MCUB: variants seen among roughly 807,000 people sequenced by gnomAD.
The protein encoded by MCUB is mitochondrial calcium uniporter dominant negative subunit beta.
MCUB carries 46 observed loss-of-function variants against 41.4 expected under a neutral mutation model. The observed-to-expected ratio is 1.11, with a 90% CI of 0.88 to 1.42. The LOEUF (loss-of-function observed/expected upper bound fraction) is 1.42, where lower values mean the gene tolerates loss of function less well. MCUB is among the 40% of genes most tolerant of loss of function. The pLI, the probability that MCUB is intolerant of heterozygous loss-of-function variation, is 0.00. For synonymous variants in MCUB, 148 were observed against 148.2 expected, an observed-to-expected ratio of 1.00 and a Z score of 0.01; for missense variants, 403 against 404.9, an observed-to-expected ratio of 1.00 and a Z score of 0.04.
intron 1 of MCUB, among the ~76,000 whole-genome samples, chr4:109,568,111 A>C (rs1318081791): frequency 1.3e-5 from 2 of 152,172 alleles, no homozygotes; most frequent in African/African-American, 4.8e-5. Context: ...TTGCAAAGAG[A>C]CATCATTGGC....
At chr4:109,564,233 A>G (rs886691685) in intron 1 of MCUB, among the ~76,000 whole-genome samples, 3 of 151,532 alleles carry the variant, frequency 2.0e-5, no homozygotes, top group Non-Finnish European at 4.4e-5. Context: ...CCCGGGTTCA[A>G]ACGATTCCCC....
In MCUB at chr4:109,628,983, T is replaced by C. The variant is rs1394172094; in HGVS notation, c.100-30028T>C. On this transcript the variant is annotated intron_variant, in intron 1 of 7. Coordinates refer to ENST00000394650, the MANE Select transcript of MCUB (RefSeq NM_017918.5). ...GTGTAGAAGCCACCGAAGAGTGAAA[T>C]GTTTGGAGCAGCAGTTTAGGACTTG... is the stretch of plus-strand genomic sequence containing the variant. Among the ~76,000 whole-genome samples the C allele has an allele frequency of 2.0e-5, 3 of 152,060 alleles. No individual in the cohort carries two copies. The East Asian group carries it at 5.8e-4, about 29-fold the overall frequency.
chr4:109,652,082 T>C (rs897412350), intron 1 of MCUB, among the ~76,000 whole-genome samples: 2 of 152,236 alleles, frequency 1.3e-5, no homozygotes, highest in African/African-American at 2.4e-5. Flanking sequence ...GTCTTCTCCC[T>C]GTGTCCTCAC....
chr4:109,638,569 G>A (rs938619324), intron 1 of MCUB, among the ~76,000 whole-genome samples: 13 of 152,280 alleles, frequency 8.5e-5, no homozygotes, highest in African/African-American at 2.9e-4. Flanking sequence ...GTTGCTGAAG[G>A]TTGGAGTGGC....
intron 3 of MCUB, among the ~76,000 whole-genome samples, chr4:109,661,147 G>A (rs576243665): frequency 1.4e-4 from 22 of 152,244 alleles, no homozygotes; most frequent in Non-Finnish European, 2.5e-4. Flanking sequence ...TAAAAAACCA[G>A]AAGTATGTCA....
chr4:109,563,370 A>G (rs776028810), intron 1 of MCUB, among the ~76,000 whole-genome samples: 1 of 152,166 alleles, frequency 6.6e-6, no homozygotes, highest in Non-Finnish European at 1.5e-5. Context: ...AAATTCCACC[A>G]CAAGATGTCA....
Position 109,687,755 on chromosome 4 carries a change from G to T in MCUB, c.*163G>T. The T allele has an allele frequency of 3.4e-6, 2 of 587,786 alleles. No individual in the cohort carries two copies. The highest frequency in any genetic ancestry group is 6.0e-6 in the Non-Finnish European group (2 of 335,600). 36.4% of individuals were successfully genotyped at this position (587,786 alleles called of 1,614,324 possible). A position where few individuals can be genotyped will look rare whatever the true frequency, so the allele number is the denominator to read the frequency against. ...TTCTCAACTGAGATTTTTACTTTTT[G>T]GATTTTTATGACTTGCTAATGTTAG... On this transcript the variant is annotated 3_prime_UTR_variant, in exon 8 of 8. Transcript: ENST00000394650.
chr4:109,597,955 T>A lies in MCUB; in HGVS notation c.99+37519T>A, dbSNP rs372730853. Among the ~76,000 whole-genome samples the A allele has an allele frequency of 5.1e-5, 7 of 137,428 alleles. 1 individual carries two copies. Among genetic ancestry groups the A allele is most frequent in the Non-Finnish European group, 1.1e-4 (7 of 62,504 alleles). 90.2% of individuals were successfully genotyped at this position (137,428 alleles called of 152,430 possible). On this transcript the variant is annotated intron_variant, in intron 1 of 7. Coordinates refer to ENST00000394650, the MANE Select transcript of MCUB (RefSeq NM_017918.5). ...GCAGAGGCGCTCCTCACATCCCAGA[T>A]GGGGCGGCGGGGCAGAGGCGCTCCC...
At chr4:109,628,747 C>T (rs1178648614) in intron 1 of MCUB, among the ~76,000 whole-genome samples, 2 of 152,178 alleles carry the variant, frequency 1.3e-5, no homozygotes, top group African/African-American at 2.4e-5. Flanking sequence ...AATTTCTACC[C>T]TTCTGCAAAA....
intron 1 of MCUB, among the ~76,000 whole-genome samples, chr4:109,565,202 G>A (rs1376289870): frequency 6.6e-6 from 1 of 152,194 alleles, no homozygotes; most frequent in Non-Finnish European, 1.5e-5. Context: ...TATGAGTACT[G>A]TAAATACATA....
intron 1 of MCUB, among the ~76,000 whole-genome samples, chr4:109,603,859 C>G (rs1456593674): frequency 6.6e-6 from 1 of 152,240 alleles, no homozygotes; most frequent in Non-Finnish European, 1.5e-5. Context: ...AGCCTCTCTG[C>G]CCGGCCGCCA....
Position 109,594,583 on chromosome 4 carries a change from C to T in MCUB, c.99+34147C>T, listed in dbSNP as rs150052453. Among the ~76,000 whole-genome samples, 546 of 152,026 alleles carry T rather than the reference C, an allele frequency of 3.6e-3. 6 individuals carry two copies. Among genetic ancestry groups the T allele is most frequent in the East Asian group, 0.014 (72 of 5,172 alleles). ...CTGAGGCAGAAGAATCACTTGAACC[C>T]GGGAGGCGGAGGTTGCAGTGAGCCA... On this transcript the variant is annotated intron_variant, in intron 1 of 7. Coordinates refer to ENST00000394650, the MANE Select transcript of MCUB (RefSeq NM_017918.5).
chr4:109,619,025 T>TACCA (rs1728192606), intron 1 of MCUB, among the ~76,000 whole-genome samples: 1 of 132,032 alleles, frequency 7.6e-6, no homozygotes, highest in Non-Finnish European at 1.7e-5. Flanking sequence ...CCTATCTACC[T>TACCA]GCCTGCCTAC....
At chr4:109,570,503 G>A (rs1726889818) in intron 1 of MCUB, among the ~76,000 whole-genome samples, 2 of 152,220 alleles carry the variant, frequency 1.3e-5, no homozygotes, top group Non-Finnish European at 2.9e-5. Flanking sequence ...TTTGGCCTCT[G>A]TCCAAACTAC....
At chr4:109,564,141 C>CT (rs150293518) in intron 1 of MCUB, among the ~76,000 whole-genome samples, 2,600 of 149,134 alleles carry the variant, frequency 0.017, 67 homozygotes, top group African/African-American at 0.056. Flanking sequence ...TCTTTCTTTT[C>CT]TTTTTTTTTT....
At chr4:109,575,611 G>A (rs752728230) in intron 1 of MCUB, among the ~76,000 whole-genome samples, 24 of 152,270 alleles carry the variant, frequency 1.6e-4, no homozygotes, top group South Asian at 8.3e-4. Context: ...ACTAAGCATC[G>A]TAATCAACAG....
intron 1 of MCUB, among the ~76,000 whole-genome samples, chr4:109,569,087 C>T (rs1726848273): frequency 6.6e-6 from 1 of 152,146 alleles, no homozygotes; most frequent in South Asian, 2.1e-4. Flanking sequence ...GGCTCTGTCA[C>T]CCAGGCTGGA....
chr4:109,654,536 G>C (rs1481954665), intron 1 of MCUB, among the ~76,000 whole-genome samples: 2 of 152,082 alleles, frequency 1.3e-5, no homozygotes, highest in Non-Finnish European at 2.9e-5. Flanking sequence ...GCTTGAGCCT[G>C]GGAGATGGAG....
At chr4:109,633,681 G>A (rs2126138649) in intron 1 of MCUB, among the ~76,000 whole-genome samples, 1 of 152,268 alleles carries the variant, frequency 6.6e-6, no homozygotes, top group Admixed American at 6.5e-5. Context: ...GTTGCCAACT[G>A]TGCTACCCCA....
Sources: gnomAD v4.1 joint callset for allele counts (sites outside exome capture counted in the v4.1 genomes callset) on GRCh38, gnomAD v4.1.1 for gene constraint, MANE v1.5 for transcripts, NCBI Gene and HGNC (gene_info 2026-07-23, HGNC 2026-07-21) for gene names.